Variants in PRKAR1B observed in about 807,000 individuals in gnomAD.
PRKAR1B encodes the protein protein kinase cAMP-dependent type I regulatory subunit beta, also known as cAMP-dependent protein kinase type I-beta regulatory subunit.
In PRKAR1B, 22 loss-of-function variants were observed where a neutral mutation model predicts 46.5. The ratio of observed to expected loss-of-function variants is 0.47; its 90% CI spans 0.34 to 0.68. The LOEUF (loss-of-function observed/expected upper bound fraction) is 0.68, where lower values mean the gene tolerates loss of function less well. Among genes scored for constraint, PRKAR1B ranks in the 30% least tolerant of loss-of-function variants. PRKAR1B has a pLI of 0.01. For synonymous variants in PRKAR1B, 259 were observed against 217.7 expected (o/e 1.19, Z -1.67); for missense variants, 445 against 535.6 (o/e 0.83, Z 1.67).
intron 2 of PRKAR1B, among the ~76,000 whole-genome samples, chr7:686,002 T>G (rs1013366625): frequency 1.3e-5 from 2 of 152,156 alleles, no homozygotes; most frequent in South Asian, 4.1e-4. Flanking sequence ...GACCTTTGCC[T>G]TTTAAAATGG....
Position 550,580 on chromosome 7 carries a change from G to GT in PRKAR1B, c.995dup (p.Asn332LysfsTer33). 6.3e-7 allele frequency: 1 copy of GT among 1,589,700 alleles called. No individual in the cohort carries two copies. Among genetic ancestry groups the GT allele is most frequent in the Non-Finnish European group, 8.5e-7 (1 of 1,170,470 alleles). On this transcript the variant is annotated frameshift_variant, in exon 11 of 11. Transcript: ENST00000537384. LOFTEE classifies it high-confidence loss of function. ...CCACGACAGTGGCCGCCCGGGGCCGGTTCAGCAGCAGTGCAATCTCCCCTG... is the reference window on the plus strand; with the variant it reads ...CCACGACAGTGGCCGCCCGGGGCCGGTTTCAGCAGCAGTGCAATCTCCCCTG...
intron 4 of PRKAR1B, among the ~76,000 whole-genome samples, chr7:660,794 G>A (rs1785492154): frequency 1.1e-5 from 1 of 89,970 alleles, no homozygotes; most frequent in Non-Finnish European, 2.2e-5. Context: ...CACCCCAACA[G>A]ATGCAAATAC....
Position 579,327 on chromosome 7 carries a change from C to T in PRKAR1B, c.820G>A (p.Val274Ile), listed in dbSNP as rs762416557. 32 of 1,614,034 alleles carry T rather than the reference C, an allele frequency of 2.0e-5. No individual in the cohort carries two copies. The highest frequency in any genetic ancestry group is 2.7e-5 in the African/African-American group (2 of 74,946). The change falls in exon 9 of 11, where the codon GTC (valine) becomes ATC (isoleucine). Residue 274 changes from valine to isoleucine, a missense_variant. Coordinates refer to ENST00000537384, the MANE Select transcript of PRKAR1B (RefSeq NM_001164760.2). The stretch of plus-strand genomic sequence containing the variant: ...ATTTTCTCTCCATCTTCAAACTGGA[C>T]GGGCTCCAGCGCATCCGCCACGGTC... The part of the protein sequence containing the change: ...RLTVADALEP[V>I]QFEDGEKIVV...
intron 3 of PRKAR1B, 63 bp downstream of exon 3, chr7:680,493 C>A: frequency 6.7e-7 from 1 of 1,486,098 alleles, no homozygotes; most frequent in Non-Finnish European, 8.9e-7. Flanking sequence ...TTCCAGGGAG[C>A]TCACAGGTGA....
chr7:603,996 A>G (rs1781838282), intron 6 of PRKAR1B, among the ~76,000 whole-genome samples: 3 of 152,174 alleles, frequency 2.0e-5, no homozygotes, highest in African/African-American at 7.2e-5. Context: ...TGCCCATCCC[A>G]TACCTCCCGC....
At chr7:594,828 G>T (rs1184923224) in intron 7 of PRKAR1B, among the ~76,000 whole-genome samples, 1 of 151,998 alleles carries the variant, frequency 6.6e-6, no homozygotes, top group East Asian at 1.9e-4. Flanking sequence ...GGATCCCCTA[G>T]ACCATGAGGA....
chr7:711,267 G>A (rs1033852370), intron 2 of PRKAR1B, 62 bp downstream of exon 2: 4 of 1,586,682 alleles, frequency 2.5e-6, no homozygotes, highest in Middle Eastern at 1.9e-4. Context: ...AGGCTTCCCC[G>A]GCTGCCGCCT....
chr7:607,311 C>T, intron 5 of PRKAR1B, 80 bp downstream of exon 5: 1 of 1,398,732 alleles, frequency 7.1e-7, no homozygotes, highest in Non-Finnish European at 1.0e-6. Context: ...ATCGTGCCTG[C>T]CCTTATGCTA....
intron 4 of PRKAR1B, among the ~76,000 whole-genome samples, chr7:615,944 A>G (rs1001612371): frequency 6.6e-6 from 1 of 151,840 alleles, no homozygotes; most frequent in Non-Finnish European, 1.5e-5. Flanking sequence ...GAGGCAGAGA[A>G]AGAAAGAAAA....
In PRKAR1B at chr7:560,576, T is replaced by C. The variant is rs755654176; in HGVS notation, c.892-9106A>G. On this transcript the variant is annotated intron_variant, in intron 9 of 10. Coordinates refer to ENST00000537384, the MANE Select transcript of PRKAR1B (RefSeq NM_001164760.2). The surrounding 1 kb of genome is among the most constrained non-coding windows in gnomAD (Gnocchi z 4.2). ...CTGAGGAGGCTCCTGTCCTGCACCTTGGGCCAGGTCATCAGCACCAAAATC... is the reference window on the plus strand; with the variant it reads ...CTGAGGAGGCTCCTGTCCTGCACCTCGGGCCAGGTCATCAGCACCAAAATC... Among the ~76,000 whole-genome samples the C allele has an allele frequency of 1.6e-4, 24 of 152,064 alleles. No homozygotes were observed. Among genetic ancestry groups the C allele is most frequent in the Non-Finnish European group, 2.9e-4 (20 of 68,000 alleles).
chr7:613,023 G>A (rs149928046), intron 4 of PRKAR1B, among the ~76,000 whole-genome samples: 5,459 of 152,212 alleles, frequency 0.036, 238 homozygotes, highest in African/African-American at 0.1. Flanking sequence ...CTAACACCGT[G>A]TGGTCATTAA....
At chr7:680,063 C>T (rs1778573339) in intron 3 of PRKAR1B, among the ~76,000 whole-genome samples, 1 of 150,180 alleles carries the variant, frequency 6.7e-6, no homozygotes, top group African/African-American at 2.5e-5. Context: ...GAGGCTGAGG[C>T]AGGAGAATGG....
intron 7 of PRKAR1B, among the ~76,000 whole-genome samples, chr7:594,340 G>A (rs1781146713): frequency 6.6e-6 from 1 of 152,156 alleles, no homozygotes; most frequent in Admixed American, 6.5e-5. Context: ...ACACCCACCT[G>A]GCTCAACCCC....
chr7:603,611 GT>G, intron 6 of PRKAR1B, among the ~76,000 whole-genome samples: 4 of 125,112 alleles, frequency 3.2e-5, no homozygotes, highest in South Asian at 2.3e-4. Context: ...AGGACCCAGA[GT>G]GGAGGTGATG....
chr7:665,116 C>T (rs1425560183), intron 4 of PRKAR1B, among the ~76,000 whole-genome samples: 9 of 152,038 alleles, frequency 5.9e-5, no homozygotes, highest in Non-Finnish European at 1.0e-4. Context: ...ACAGGCTCCA[C>T]GGAGAGCTGC....
intron 7 of PRKAR1B, among the ~76,000 whole-genome samples, chr7:586,732 G>A (rs186047507): frequency 3.2e-4 from 49 of 152,272 alleles, no homozygotes; most frequent in Admixed American, 2.1e-3. Context: ...TAATCCTAAG[G>A]GTAAGGATAG....
At chr7:576,104 CAT>C (rs1295110169) in intron 9 of PRKAR1B, among the ~76,000 whole-genome samples, 1 of 151,162 alleles carries the variant, frequency 6.6e-6, no homozygotes, top group Non-Finnish European at 1.5e-5. Flanking sequence ...TGCACGCTGG[CAT>C]AGTCTCCTCT....
At chr7:592,405 C>T (rs915651642) in intron 7 of PRKAR1B, among the ~76,000 whole-genome samples, 11 of 152,206 alleles carry the variant, frequency 7.2e-5, no homozygotes, top group South Asian at 2.1e-4. Flanking sequence ...GGAGTCACTC[C>T]GGACACTGGT....
intron 9 of PRKAR1B, among the ~76,000 whole-genome samples, chr7:563,844 T>TGTGTGCATGGGTTGTGG (rs368209021): frequency 1.3e-5 from 2 of 151,716 alleles, no homozygotes; most frequent in Admixed American, 6.6e-5. Flanking sequence ...CGGATCAGTG[T>TGTGTGCATGGGTTGTGG]GTGTGCATGG....
Sources: allele counts gnomAD v4.1 joint callset (sites outside exome capture counted in the v4.1 genomes callset), GRCh38; gene constraint gnomAD v4.1.1; non-coding constraint Gnocchi (gnomAD v3.1); transcripts MANE v1.5; gene names NCBI Gene and HGNC (gene_info 2026-07-23, HGNC 2026-07-21).